The following WDR70 variants were observed in gnomAD, a reference collection of about 807,000 sequenced individuals.
WDR70 encodes WD repeat domain 70, also known as WD repeat-containing protein 70.
In WDR70, 53 loss-of-function variants were observed where a neutral mutation model predicts 88.6. That is an observed-to-expected ratio of 0.60 (90% CI 0.48 to 0.75). WDR70 has a LOEUF of 0.75. Among genes scored for constraint, WDR70 ranks in the 30% least tolerant of loss-of-function variants. The pLI is 0.00. For missense variants in WDR70, 610 were observed against 823.2 expected, an observed-to-expected ratio of 0.74 and a Z score of 3.17; for synonymous variants, 280 against 270.0, an observed-to-expected ratio of 1.04 and a Z score of -0.36.
chr5:37,641,399 CCT>C (rs1745099703), intron 10 of WDR70, among the ~76,000 whole-genome samples: 1 of 146,278 alleles, frequency 6.8e-6, no homozygotes, highest in African/African-American at 2.6e-5. Flanking sequence ...GGCCACCACA[CCT>C]GTCCACATCC....
At chr5:37,511,451 T>C (rs73074115) in intron 8 of WDR70, among the ~76,000 whole-genome samples, 15 of 152,046 alleles carry the variant, frequency 9.9e-5, no homozygotes, top group African/African-American at 3.6e-4. Flanking sequence ...TTTTTTTTTT[T>C]AATACAACAA....
chr5:37,718,380 G>A lies in WDR70; in HGVS notation c.1417-2735G>A, dbSNP rs974641000. Among the ~76,000 whole-genome samples the A allele has an allele frequency of 2.0e-5, 3 of 152,096 alleles. No homozygotes were observed. The East Asian group carries it at 5.8e-4, about 29-fold the overall frequency. ...TTGGAATTTATCAGGCCTACATTGTGGATCTTTTCCAATTCTGCACCCTGC... is the reference window on the plus strand; with the variant it reads ...TTGGAATTTATCAGGCCTACATTGTAGATCTTTTCCAATTCTGCACCCTGC... On this transcript the variant is annotated intron_variant, in intron 13 of 17. Transcript: ENST00000265107.
At chr5:37,593,945 C>G (rs1378049402) in intron 9 of WDR70, among the ~76,000 whole-genome samples, 3 of 152,154 alleles carry the variant, frequency 2.0e-5, no homozygotes, top group South Asian at 2.1e-4. Context: ...GCATAAATGT[C>G]TTCTTTTGAG....
At chr5:37,396,305 A>G (rs1749009301) in intron 4 of WDR70, 70 bp from the exon 5 acceptor site, 2 of 1,460,584 alleles carry the variant, frequency 1.4e-6, no homozygotes, top group Admixed American at 2.4e-5. Flanking sequence ...ATCCTGAGAA[A>G]TGAATACTAT....
intron 13 of WDR70, among the ~76,000 whole-genome samples, chr5:37,715,768 TTCTC>T (rs1383652651): frequency 2.0e-5 from 3 of 152,256 alleles, no homozygotes; most frequent in African/African-American, 4.8e-5. Flanking sequence ...CAGTTTTTCT[TTCTC>T]TGTGAAGAAT....
intron 13 of WDR70, among the ~76,000 whole-genome samples, chr5:37,709,521 G>A (rs2112674496): frequency 6.6e-6 from 1 of 151,874 alleles, no homozygotes; most frequent in Non-Finnish European, 1.5e-5. Context: ...CAGAGCACTG[G>A]TTGTTTCTTG....
intron 9 of WDR70, among the ~76,000 whole-genome samples, chr5:37,541,099 G>T (rs984583435): frequency 6.6e-6 from 1 of 152,150 alleles, no homozygotes; most frequent in Non-Finnish European, 1.5e-5. Flanking sequence ...AGAGTTAATT[G>T]CCTCACTTTT....
chr5:37,466,705 C>CAAAAAA (rs796359494), intron 7 of WDR70, among the ~76,000 whole-genome samples: 2 of 65,532 alleles, frequency 3.1e-5, no homozygotes, highest in African/African-American at 1.3e-4. Context: ...GACTCCATCT[C>CAAAAAA]AAAAAAAAAA....
chr5:37,379,435 G>C (rs1214884271), intron 1 of WDR70, 43 bp downstream of exon 1: 2 of 1,613,622 alleles, frequency 1.2e-6, no homozygotes, highest in African/African-American at 1.3e-5. Context: ...GGCCGTGTCG[G>C]GGGAGCTGGG....
chr5:37,609,257 A>T (rs201853967), intron 10 of WDR70, among the ~76,000 whole-genome samples: 7 of 152,308 alleles, frequency 4.6e-5, no homozygotes, highest in East Asian at 3.9e-4. Flanking sequence ...AATAACAGGC[A>T]AATTTTTAAA....
At chr5:37,432,643 A>G (rs374759448) in intron 5 of WDR70, among the ~76,000 whole-genome samples, 2 of 150,226 alleles carry the variant, frequency 1.3e-5, no homozygotes, top group Non-Finnish European at 3.0e-5. Flanking sequence ...TGATCCGCCC[A>G]CCTCAGCCTC....
At chr5:37,632,251 T>C (rs1157385017) in intron 10 of WDR70, among the ~76,000 whole-genome samples, 2 of 152,250 alleles carry the variant, frequency 1.3e-5, no homozygotes, top group African/African-American at 4.8e-5. Context: ...GATACAGTTA[T>C]GTATAGTACA....
At chr5:37,649,109 A>G (rs1048748300) in intron 10 of WDR70, among the ~76,000 whole-genome samples, 6 of 152,192 alleles carry the variant, frequency 3.9e-5, no homozygotes, top group African/African-American at 1.4e-4. Context: ...ACACTAGAAA[A>G]GATTCATGTA....
At chr5:37,646,596 A>G (rs1745246191) in intron 10 of WDR70, among the ~76,000 whole-genome samples, 1 of 151,952 alleles carries the variant, frequency 6.6e-6, no homozygotes, top group African/African-American at 2.4e-5. Flanking sequence ...GAATTTCTTT[A>G]TTTTTCTTTC....
intron 9 of WDR70, among the ~76,000 whole-genome samples, chr5:37,545,060 A>G (rs199639228): frequency 4.3e-4 from 66 of 152,330 alleles, no homozygotes; most frequent in East Asian, 3.9e-3. Flanking sequence ...AATATAATTT[A>G]ACATCTCTGT....
intron 10 of WDR70, 131 bp from the exon 11 acceptor site, chr5:37,697,524 C>A: frequency 1.6e-6 from 1 of 641,022 alleles, no homozygotes; most frequent in Non-Finnish European, 2.6e-6. Context: ...AAATTATAAT[C>A]ATGTGAAATT....
chr5:37,748,324 C>G (rs1272291761), intron 17 of WDR70, among the ~76,000 whole-genome samples: 1 of 152,206 alleles, frequency 6.6e-6, no homozygotes, highest in African/African-American at 2.4e-5. Context: ...CTACAACCAT[C>G]TGATCTTCGA....
At chr5:37,506,077 C>T in intron 8 of WDR70, 1 of 1,283,952 alleles carries the variant, frequency 7.8e-7, no homozygotes, top group South Asian at 1.2e-5. Context: ...TCACCTCATT[C>T]AAGATTTGCA....
chr5:37,420,105 C>G (rs7724686), intron 5 of WDR70, among the ~76,000 whole-genome samples: 14,060 of 151,948 alleles, frequency 0.093, 2,118 homozygotes, highest in African/African-American at 0.32. Flanking sequence ...GCTCTCATCT[C>G]TAATCCCAGT....
Sources: allele counts gnomAD v4.1 joint callset (sites outside exome capture counted in the v4.1 genomes callset), GRCh38; gene constraint gnomAD v4.1.1; transcripts MANE v1.5; gene names NCBI Gene and HGNC (gene_info 2026-07-23, HGNC 2026-07-21).